The following CNOT4 variants were observed in gnomAD, a reference collection of about 807,000 sequenced individuals.
CNOT4 encodes CCR4-associated factor 4.
A neutral mutation model predicts 73.8 loss-of-function variants in CNOT4; 8 were observed. The ratio of observed to expected loss-of-function variants is 0.11; its 90% CI spans 0.06 to 0.20. The LOEUF (loss-of-function observed/expected upper bound fraction) is 0.20. Ranked by LOEUF, CNOT4 falls within the 10% of genes least tolerant of loss-of-function variation. The pLI, the probability that CNOT4 is intolerant of heterozygous loss-of-function variation, is 1.00. For synonymous variants in CNOT4, 293 were observed against 321.1 expected, an observed-to-expected ratio of 0.91 and a Z score of 0.94; for missense variants, 564 against 883.4, an observed-to-expected ratio of 0.64 and a Z score of 4.58.
At chr7:135,387,214 T>C (rs750173758) in intron 10 of CNOT4, 1 of 984,728 alleles carries the variant, frequency 1.0e-6, no homozygotes, top group Non-Finnish European at 1.2e-6. Flanking sequence ...TCTTGTAATG[T>C]CTTAAAGTCA....
intron 10 of CNOT4, chr7:135,388,936 T>A (rs1341538958): frequency 6.3e-7 from 1 of 1,593,256 alleles, no homozygotes; most frequent in Admixed American, 1.7e-5. Flanking sequence ...GGTGACTAGA[T>A]TTGTTAACAG....
intron 1 of CNOT4, among the ~76,000 whole-genome samples, chr7:135,488,894 T>C (rs1802918376): frequency 6.6e-6 from 1 of 152,074 alleles, no homozygotes; most frequent in African/African-American, 2.4e-5. Context: ...TGTGTAGTAC[T>C]ACCATGGGTA....
chr7:135,380,095 T>C (rs1795755258), intron 10 of CNOT4, among the ~76,000 whole-genome samples: 1 of 151,780 alleles, frequency 6.6e-6, no homozygotes, highest in Non-Finnish European at 1.5e-5. Flanking sequence ...TGTTTCCTTA[T>C]GCTGAAAACA....
rs1796806205 is a variant in CNOT4 at position 135,398,236 on chromosome 7, G to T, written c.822-10C>A. 8 of 1,413,550 alleles carry T rather than the reference G, an allele frequency of 5.7e-6. No individual in the cohort carries two copies. Among genetic ancestry groups the T allele is most frequent in the Non-Finnish European group, 7.9e-6 (8 of 1,008,456 alleles). 87.6% of individuals were successfully genotyped at this position (1,413,550 alleles called of 1,614,324 possible). Reference sequence around the variant, plus strand: ...AGGTTTGTCAATGGGGCTATAAAAAGAAAACAAATTGAATAAAATCAGAAT... The same window carrying T: ...AGGTTTGTCAATGGGGCTATAAAAATAAAACAAATTGAATAAAATCAGAAT... On this transcript the variant is annotated splice_polypyrimidine_tract_variant and intron_variant, in intron 7 of 11. Coordinates refer to ENST00000541284, the MANE Select transcript of CNOT4 (RefSeq NM_001190850.2).
intron 1 of CNOT4, among the ~76,000 whole-genome samples, chr7:135,489,391 CTTTTTTTTTTT>C (rs71174525): frequency 4.7e-5 from 4 of 84,746 alleles, no homozygotes; most frequent in Non-Finnish European, 4.5e-5. Flanking sequence ...AGTCACATTT[CTTTTTTTTTTT>C]TTTTTTTTTT....
At chr7:135,428,283 G>A (rs999854087) in intron 2 of CNOT4, among the ~76,000 whole-genome samples, 1 of 152,016 alleles carries the variant, frequency 6.6e-6, no homozygotes, top group African/African-American at 2.4e-5. Context: ...TAGTCCTTGG[G>A]GAACCTTACA....
In CNOT4 at chr7:135,446,992, T is replaced by G. The variant is rs184757979; in HGVS notation, c.-92-8569A>C. Among the ~76,000 whole-genome samples, 113 of 109,010 alleles carry G rather than the reference T, an allele frequency of 1.0e-3. 23 individuals carry two copies. Among genetic ancestry groups the G allele is most frequent in the Non-Finnish European group, 2.3e-3 (100 of 42,616 alleles). The allele number at this position is 109,010 out of a possible 152,430, so 71.5% of individuals were successfully genotyped here. ...AGTCTGTTCCCACTAGAATGGAAAC[T>G]TCAGGAGGGCAGAAATGACCCGGTG... is the stretch of plus-strand genomic sequence containing the variant. On this transcript the variant is annotated intron_variant, in intron 1 of 11. Coordinates refer to ENST00000541284, the MANE Select transcript of CNOT4 (RefSeq NM_001190850.2).
chr7:135,373,174 C>G (rs757235058), intron 10 of CNOT4, among the ~76,000 whole-genome samples: 5 of 152,052 alleles, frequency 3.3e-5, no homozygotes, highest in Admixed American at 2.0e-4. Context: ...CCATAATGAT[C>G]TGAGGAAAGT....
chr7:135,368,543 T>C (rs970194611), intron 10 of CNOT4, among the ~76,000 whole-genome samples: 1 of 152,196 alleles, frequency 6.6e-6, no homozygotes, highest in African/African-American at 2.4e-5. Flanking sequence ...AGGTGGTATA[T>C]GATTAAAATA....
chr7:135,434,403 CAAG>C (rs1434312888), intron 2 of CNOT4, among the ~76,000 whole-genome samples: 1 of 152,182 alleles, frequency 6.6e-6, no homozygotes, highest in Non-Finnish European at 1.5e-5. Context: ...ACCAGGAGAC[CAAG>C]AAGAGGTTCT....
chr7:135,420,176 A>G (rs762476291), intron 3 of CNOT4, among the ~76,000 whole-genome samples: 2 of 152,170 alleles, frequency 1.3e-5, no homozygotes, highest in Non-Finnish European at 2.9e-5. Context: ...ACTACAGTTG[A>G]TCAGATCCAA....
intron 1 of CNOT4, among the ~76,000 whole-genome samples, chr7:135,452,606 T>C (rs960158538): frequency 3.9e-5 from 6 of 152,148 alleles, no homozygotes; most frequent in Non-Finnish European, 8.8e-5. Flanking sequence ...GCAGTGTCTG[T>C]CACTGAGTAG....
intron 8 of CNOT4, among the ~76,000 whole-genome samples, chr7:135,397,165 T>C (rs114692137): frequency 7.8e-4 from 119 of 152,146 alleles, no homozygotes; most frequent in African/African-American, 2.7e-3. Flanking sequence ...TAAAACTCTA[T>C]AATAACAGAA....
At chr7:135,395,568 T>G in intron 9 of CNOT4, 66 bp downstream of exon 9, 1 of 1,502,256 alleles carries the variant, frequency 6.7e-7, no homozygotes, top group Non-Finnish European at 9.0e-7. Context: ...CTAATGAGTT[T>G]CATGTTAGTC....
intron 1 of CNOT4, among the ~76,000 whole-genome samples, chr7:135,483,207 A>G (rs1183242355): frequency 6.6e-5 from 10 of 150,406 alleles, no homozygotes; most frequent in Admixed American, 6.6e-4. Context: ...ATCAGCTGCC[A>G]CATGCCTGTA....
chr7:135,369,811 T>C (rs926971316), intron 10 of CNOT4, among the ~76,000 whole-genome samples: 2 of 152,244 alleles, frequency 1.3e-5, no homozygotes, highest in Non-Finnish European at 2.9e-5. Context: ...GAACAAAGTC[T>C]TGGTTTGAAC....
chr7:135,381,790 G>A (rs796912773), intron 10 of CNOT4, among the ~76,000 whole-genome samples: 10 of 152,192 alleles, frequency 6.6e-5, no homozygotes, highest in African/African-American at 1.2e-4. Flanking sequence ...AATTTCACCC[G>A]CTATAAAAAA....
chr7:135,478,839 G>A (rs1802166136), intron 1 of CNOT4, among the ~76,000 whole-genome samples: 1 of 152,144 alleles, frequency 6.6e-6, no homozygotes, highest in African/African-American at 2.4e-5. Context: ...GAGGCACTTT[G>A]AAGTTGACAA....
At chr7:135,417,013 A>C (rs1485658724) in intron 3 of CNOT4, among the ~76,000 whole-genome samples, 1 of 152,218 alleles carries the variant, frequency 6.6e-6, no homozygotes, top group East Asian at 1.9e-4. Context: ...AATTTTACTA[A>C]GAGTTATCTG....
Sources: allele counts gnomAD v4.1 joint callset (sites outside exome capture counted in the v4.1 genomes callset), GRCh38; gene constraint gnomAD v4.1.1; transcripts MANE v1.5; gene names NCBI Gene and HGNC (gene_info 2026-07-23, HGNC 2026-07-21).